BABAM2: variants seen among roughly 807,000 people sequenced by gnomAD.
The protein encoded by BABAM2 is BRISC and BRCA1 A complex member 2, also known as BRISC and BRCA1-A complex member 2.
A neutral mutation model predicts 54.7 loss-of-function variants in BABAM2; 31 were observed. That is an observed-to-expected ratio of 0.57 (90% confidence interval 0.43 to 0.77). The LOEUF (loss-of-function observed/expected upper bound fraction) is 0.77. BABAM2 is among the 30% of genes least tolerant of loss of function. BABAM2 has a pLI of 0.00. For synonymous variants in BABAM2, 167 were observed against 162.9 expected (o/e 1.03, Z -0.19); for missense variants, 364 against 455.8 (o/e 0.80, Z 1.83).
chr2:28,034,124 GT>G (rs1399209451), intron 5 of BABAM2, among the ~76,000 whole-genome samples: 1 of 152,152 alleles, frequency 6.6e-6, no homozygotes, highest in African/African-American at 2.4e-5. Flanking sequence ...CTTCCCTCAT[GT>G]CATCGTGCTG....
intron 10 of BABAM2, among the ~76,000 whole-genome samples, chr2:28,290,099 A>G (rs1687166498): frequency 2.6e-5 from 4 of 152,190 alleles, no homozygotes; most frequent in Admixed American, 2.0e-4. Flanking sequence ...GTTCATCTGC[A>G]GCTTGCTTTT....
chr2:28,253,146 GTAA>G (rs1478040457), intron 10 of BABAM2, among the ~76,000 whole-genome samples: 1 of 152,090 alleles, frequency 6.6e-6, no homozygotes, highest in Non-Finnish European at 1.5e-5. Flanking sequence ...GCTCATGCCC[GTAA>G]TCCTAGCACT....
chr2:27,933,603 G>A (rs1207660989), intron 3 of BABAM2, among the ~76,000 whole-genome samples: 1 of 151,732 alleles, frequency 6.6e-6, no homozygotes, highest in South Asian at 2.1e-4. Context: ...GGAGTAGTTG[G>A]AACTACAGGT....
At chr2:28,100,001 G>A (rs1484274511) in intron 6 of BABAM2, among the ~76,000 whole-genome samples, 1 of 151,916 alleles carries the variant, frequency 6.6e-6, no homozygotes, top group Non-Finnish European at 1.5e-5. Context: ...TTGTGTTGCT[G>A]CATGTACTTA....
At chr2:28,256,550 C>T (rs1377542083) in intron 10 of BABAM2, among the ~76,000 whole-genome samples, 1 of 152,186 alleles carries the variant, frequency 6.6e-6, no homozygotes, top group Non-Finnish European at 1.5e-5. Context: ...GATTGAGAAT[C>T]TCTGAAAACT....
chr2:28,298,187 C>A lies in BABAM2; in HGVS notation c.935-151C>A, dbSNP rs183735941. 5.0e-5 allele frequency: 38 copies of A among 760,936 alleles called. No individual in the cohort carries two copies. The East Asian group carries it at 8.6e-4, about 17-fold the overall frequency. The allele number at this position is 760,936 out of a possible 1,614,324, so 47.1% of individuals were successfully genotyped here. Reference sequence around the variant, plus strand: ...AGAAGTCACTTTGTATTTCTTGGTGCCTCTCTATACACCACACCTTTCATC... The same window carrying A: ...AGAAGTCACTTTGTATTTCTTGGTGACTCTCTATACACCACACCTTTCATC... On this transcript the variant is annotated intron_variant, in intron 10 of 11. Coordinates refer to ENST00000379624, the MANE Select transcript of BABAM2 (RefSeq NM_199191.3).
At chr2:28,027,612 A>T (rs796438812) in intron 5 of BABAM2, among the ~76,000 whole-genome samples, 2 of 152,338 alleles carry the variant, frequency 1.3e-5, no homozygotes, top group African/African-American at 4.8e-5. Context: ...TTTGAGGTTC[A>T]TCCATGTTGT....
chr2:28,160,735 GTTT>G (rs562679552), intron 7 of BABAM2, among the ~76,000 whole-genome samples: 2 of 129,180 alleles, frequency 1.5e-5, no homozygotes, highest in Admixed American at 8.2e-5. Flanking sequence ...CATATAAATT[GTTT>G]TTTTTTTTTT....
chr2:27,897,593 A>G (rs1019795036), intron 2 of BABAM2, among the ~76,000 whole-genome samples: 1 of 151,686 alleles, frequency 6.6e-6, no homozygotes, highest in African/African-American at 2.4e-5. Context: ...TTATAAATCA[A>G]CTCTCATCCT....
At chr2:28,081,506 A>G (rs531402451) in intron 6 of BABAM2, among the ~76,000 whole-genome samples, 10 of 152,324 alleles carry the variant, frequency 6.6e-5, no homozygotes, top group African/African-American at 1.9e-4. Context: ...AACATTGTAG[A>G]CATCACCACT....
chr2:28,101,487 T>C (rs1667077322), intron 6 of BABAM2, among the ~76,000 whole-genome samples: 1 of 152,174 alleles, frequency 6.6e-6, no homozygotes, highest in Non-Finnish European at 1.5e-5. Context: ...CTCCTCTGCC[T>C]AGTTCTCTGC....
chr2:28,338,394 T>G, intron 11 of BABAM2, 56 bp from the exon 12 acceptor site: 2 of 1,472,948 alleles, frequency 1.4e-6, no homozygotes, highest in South Asian at 2.3e-5. Context: ...AGTTGCACTT[T>G]GTTTCAAGTT....
At chr2:28,016,391 T>A in intron 4 of BABAM2, 1 of 1,395,434 alleles carries the variant, frequency 7.2e-7, no homozygotes, top group Non-Finnish European at 1.0e-6. Flanking sequence ...CAGATAATCC[T>A]GTATTTTTGG....
At chr2:28,025,591 T>G (rs1268502228) in intron 5 of BABAM2, 171 bp downstream of exon 5, 5 of 609,452 alleles carry the variant, frequency 8.2e-6, no homozygotes, top group African/African-American at 1.9e-5. Context: ...TCTAGTTCAT[T>G]GTGTTTCTCA....
chr2:27,906,693 G>A (rs1325627820), intron 2 of BABAM2, among the ~76,000 whole-genome samples: 1 of 152,128 alleles, frequency 6.6e-6, no homozygotes, highest in African/African-American at 2.4e-5. Context: ...ACTTCATTTG[G>A]TATGGAGGTT....
intron 1 of BABAM2, 54 bp from the exon 2 acceptor site, chr2:27,894,479 T>G: frequency 6.5e-7 from 1 of 1,533,204 alleles, no homozygotes. Context: ...AGGCAGAGTG[T>G]TGTATCTAGT....
At chr2:27,969,007 C>T (rs1671023126) in intron 3 of BABAM2, among the ~76,000 whole-genome samples, 1 of 152,062 alleles carries the variant, frequency 6.6e-6, no homozygotes, top group Non-Finnish European at 1.5e-5. Flanking sequence ...TCTTGAATTC[C>T]CACATGTTGT....
chr2:28,066,179 A>T (rs980603352), intron 6 of BABAM2, among the ~76,000 whole-genome samples: 6 of 150,948 alleles, frequency 4.0e-5, no homozygotes, highest in Non-Finnish European at 8.9e-5. Context: ...AAAAATAAAT[A>T]AATAAAAAAT....
intron 11 of BABAM2, among the ~76,000 whole-genome samples, chr2:28,335,684 C>T (rs1248331568): frequency 6.6e-6 from 1 of 152,184 alleles, no homozygotes; most frequent in African/African-American, 2.4e-5. Context: ...AGAAGAAGCA[C>T]GGACAGTGTG....
Sources: allele counts gnomAD v4.1 joint callset (sites outside exome capture counted in the v4.1 genomes callset), GRCh38; gene constraint gnomAD v4.1.1; transcripts MANE v1.5; gene names NCBI Gene and HGNC (gene_info 2026-07-23, HGNC 2026-07-21).